Variants in GLT6D1 observed in about 807,000 individuals in gnomAD.
GLT6D1 encodes the protein putative glycosyltransferase 6 domain-containing protein 1.
GLT6D1 carries 9 observed loss-of-function variants against 12.3 expected under a neutral mutation model. That is an observed-to-expected ratio of 0.73 (90% CI 0.44 to 1.27). The LOEUF (loss-of-function observed/expected upper bound fraction) is 1.27. Among genes scored for constraint, GLT6D1 ranks in the 50% most tolerant of loss-of-function variants. GLT6D1 has a pLI of 0.00. For missense variants in GLT6D1, 335 were observed against 346.2 expected, an observed-to-expected ratio of 0.97 and a Z score of 0.26; for synonymous variants, 128 against 132.3, an observed-to-expected ratio of 0.97 and a Z score of 0.23.
intron 3 of GLT6D1, among the ~76,000 whole-genome samples, chr9:135,629,291 C>A (rs4842014): frequency 0.27 from 41,151 of 152,012 alleles, 5,933 homozygotes; most frequent in East Asian, 0.42. Flanking sequence ...GTTTTTGCTG[C>A]ATCCCATAAG....
At chr9:135,638,047 G>T (rs1833816038) in intron 2 of GLT6D1, among the ~76,000 whole-genome samples, 1 of 152,144 alleles carries the variant, frequency 6.6e-6, no homozygotes, top group Non-Finnish European at 1.5e-5. Context: ...CCCAAGACTG[G>T]GAAGAAAAAG....
intron 2 of GLT6D1, among the ~76,000 whole-genome samples, chr9:135,635,255 G>A (rs1032737646): frequency 4.6e-5 from 7 of 152,152 alleles, no homozygotes; most frequent in Non-Finnish European, 8.8e-5. Context: ...TGGCCATCGG[G>A]AGCTCTCCCA....
chr9:135,632,744 C>T (rs1026492306), intron 2 of GLT6D1, among the ~76,000 whole-genome samples: 3 of 151,660 alleles, frequency 2.0e-5, no homozygotes, highest in Non-Finnish European at 2.9e-5. Context: ...CTCAGCTCAC[C>T]GCAACCTCCA....
chr9:135,629,249 C>T (rs976999012), intron 3 of GLT6D1, among the ~76,000 whole-genome samples: 2 of 152,094 alleles, frequency 1.3e-5, no homozygotes, highest in African/African-American at 4.8e-5. Flanking sequence ...TTAATGTAGG[C>T]ATTTATAGCT....
intron 2 of GLT6D1, among the ~76,000 whole-genome samples, chr9:135,633,110 G>A (rs1359018401): frequency 6.6e-6 from 1 of 152,208 alleles, no homozygotes; most frequent in African/African-American, 2.4e-5. Context: ...AGGGATTAGA[G>A]CTGTCTTTGG....
chr9:135,624,272 G>A lies in GLT6D1; in HGVS notation c.656C>T (p.Pro219Leu), dbSNP rs766047325. The A allele has an allele frequency of 3.9e-5, 62 of 1,604,072 alleles. No homozygotes were observed. Among genetic ancestry groups the A allele is most frequent in the East Asian group, 2.5e-4 (11 of 44,838 alleles). Residue 219 changes from proline (P) to leucine (L), a missense_variant, in exon 5 of 5, where the codon CCG becomes CTG. Transcript: ENST00000371763. The part of the protein sequence containing the change: ...ERRPTSAACI[P>L]FGQGDFYYGN... ...ATAATAGAAATCTCCCTGTCCAAAC[G>A]GGATGCAAGCTGCTGAGGTCGGCCT...
chr9:135,624,421 G>A lies in GLT6D1; in HGVS notation c.507C>T (p.Leu169=), dbSNP rs187238943. 2.9e-5 allele frequency: 47 copies of A among 1,614,188 alleles called. No homozygotes were observed. The Admixed American group carries it at 7.3e-4, about 25-fold the overall frequency. Residue 169 remains leucine, a synonymous_variant, in exon 5 of 5, where the codon CTC becomes CTT. Transcript: ENST00000371763. ...ASHIQDEVDF[L]FSMAANQVFQ... ...AGACCTGGTTGGCAGCCATGCTGAAGAGGAAGTCCACCTCGTCCTGGATGT... is the reference window on the plus strand; with the variant it reads ...AGACCTGGTTGGCAGCCATGCTGAAAAGGAAGTCCACCTCGTCCTGGATGT...
intron 3 of GLT6D1, among the ~76,000 whole-genome samples, chr9:135,630,091 C>T (rs989078836): frequency 2.6e-5 from 4 of 152,050 alleles, no homozygotes; most frequent in African/African-American, 4.8e-5. Context: ...TAATAAAACT[C>T]GACATTTTAT....
chr9:135,635,520 G>A (rs191900542), intron 2 of GLT6D1, among the ~76,000 whole-genome samples: 2 of 152,232 alleles, frequency 1.3e-5, no homozygotes, highest in East Asian at 3.9e-4. Context: ...GGAGAATGGT[G>A]CTAGAAACAA....
upstream of GLT6D1, among the ~76,000 whole-genome samples, chr9:135,639,702 A>G (rs1455325702): frequency 6.6e-6 from 1 of 152,248 alleles, no homozygotes; most frequent in Admixed American, 6.5e-5. Context: ...ATTAGACTTT[A>G]CAATGGAAGT....
chr9:135,626,676 T>G (rs967005970), intron 3 of GLT6D1, among the ~76,000 whole-genome samples: 5 of 152,152 alleles, frequency 3.3e-5, no homozygotes, highest in African/African-American at 4.8e-5. Context: ...TGCTTTCTTT[T>G]TCTCTCTCCC....
At chr9:135,633,051 G>A (rs111389773) in intron 2 of GLT6D1, among the ~76,000 whole-genome samples, 6 of 152,120 alleles carry the variant, frequency 3.9e-5, no homozygotes, top group Admixed American at 2.6e-4. Context: ...ACACATACAC[G>A]TGCATTACAT....
At chr9:135,631,298 C>T (rs1833641111) in intron 3 of GLT6D1, 133 bp downstream of exon 3, 1 of 731,270 alleles carries the variant, frequency 1.4e-6, no homozygotes, top group South Asian at 1.6e-5. Flanking sequence ...TTTATAAGAG[C>T]CTCGAAAATA....
At chr9:135,635,531 G>A (rs1296361192) in intron 2 of GLT6D1, among the ~76,000 whole-genome samples, 1 of 151,866 alleles carries the variant, frequency 6.6e-6, no homozygotes. Context: ...CTAGAAACAA[G>A]ATCTGTTGCT....
chr9:135,640,839 C>T (rs1833878365), upstream of GLT6D1, among the ~76,000 whole-genome samples: 1 of 152,106 alleles, frequency 6.6e-6, no homozygotes, highest in Non-Finnish European at 1.5e-5. Flanking sequence ...GTTCTTGTAC[C>T]TCTGCAATTG....
chr9:135,631,358 G>T, intron 3 of GLT6D1, 73 bp downstream of exon 3: 1 of 1,194,364 alleles, frequency 8.4e-7, no homozygotes, highest in Non-Finnish European at 1.3e-6. Context: ...GGTGACTGGG[G>T]AAGAAAAACC....
rs906349417 is a variant in GLT6D1 at position 135,625,966 on chromosome 9, C to T, written c.257+103G>A. The T allele has an allele frequency of 3.3e-5, 44 of 1,319,878 alleles. No individual in the cohort carries two copies. In the African/African-American group the frequency reaches 5.0e-4, roughly 15 times the overall value. 81.8% of individuals were successfully genotyped at this position (1,319,878 alleles called of 1,614,324 possible). A position where few individuals can be genotyped will look rare whatever the true frequency, so the allele number is the denominator to read the frequency against. ...CCAGAAATCGTGGCTATTGTTATCA[C>T]TAATTATGCTTAATTATGGTTGGCT... On this transcript the variant is annotated intron_variant, in intron 4 of 4. Transcript: ENST00000371763.
intron 3 of GLT6D1, among the ~76,000 whole-genome samples, chr9:135,630,003 C>T (rs10858140): frequency 0.49 from 74,019 of 151,996 alleles, 18,189 homozygotes; most frequent in East Asian, 0.61. Context: ...CTCTTGTAGA[C>T]GGCATATAAA....
chr9:135,636,791 A>T (rs1285469243), intron 2 of GLT6D1, among the ~76,000 whole-genome samples: 1 of 152,176 alleles, frequency 6.6e-6, no homozygotes, highest in African/African-American at 2.4e-5. Flanking sequence ...GGCTTTTTGC[A>T]CTCAGCAATA....
Sources: allele counts gnomAD v4.1 joint callset (sites outside exome capture counted in the v4.1 genomes callset), GRCh38; gene constraint gnomAD v4.1.1; transcripts MANE v1.5; gene names NCBI Gene and HGNC (gene_info 2026-07-23, HGNC 2026-07-21).